The following DAB1 variants were observed in gnomAD, a reference collection of about 807,000 sequenced individuals.
DAB1 encodes DAB adaptor protein 1.
Under a neutral mutation model 64.6 loss-of-function variants are expected in DAB1, and 15 were observed. The ratio of observed to expected loss-of-function variants is 0.23; its 90% CI spans 0.16 to 0.36. The LOEUF (loss-of-function observed/expected upper bound fraction) is 0.36, where lower values mean the gene tolerates loss of function less well. DAB1 is among the 10% of genes least tolerant of loss of function. The pLI is 1.00. For missense variants in DAB1, 596 were observed against 706.7 expected, an observed-to-expected ratio of 0.84 and a Z score of 1.78; for synonymous variants, 235 against 251.9, an observed-to-expected ratio of 0.93 and a Z score of 0.64.
At chr1:58,370,362 T>A (rs956878825) in intron 3 of DAB1, among the ~76,000 whole-genome samples, 6 of 140,328 alleles carry the variant, frequency 4.3e-5, no homozygotes, top group Admixed American at 7.7e-5. Flanking sequence ...GTATGTTACT[T>A]ATGAGTGTGT....
chr1:57,217,847 C>A (rs1557959973), intron 2 of DAB1, among the ~76,000 whole-genome samples: 2 of 152,060 alleles, frequency 1.3e-5, no homozygotes, highest in Non-Finnish European at 1.5e-5. Flanking sequence ...CACCCCACCC[C>A]ACTATCCAGC....
chr1:57,036,252 C>G (rs1647146669), intron 9 of DAB1, among the ~76,000 whole-genome samples: 1 of 152,210 alleles, frequency 6.6e-6, no homozygotes, highest in Non-Finnish European at 1.5e-5. Flanking sequence ...CCCATCCTTA[C>G]TCCTGAACCC....
At chr1:57,514,159 A>G (rs972110916) in intron 7 of DAB1, among the ~76,000 whole-genome samples, 1 of 152,232 alleles carries the variant, frequency 6.6e-6, no homozygotes, top group Non-Finnish European at 1.5e-5. Flanking sequence ...AAGTGCAGAC[A>G]TCTTTTTAAA....
At chr1:57,556,441 T>C (rs956241637) in intron 7 of DAB1, among the ~76,000 whole-genome samples, 34 of 147,894 alleles carry the variant, frequency 2.3e-4, no homozygotes, top group African/African-American at 7.6e-4. Flanking sequence ...CCAACATCTA[T>C]TTTTTTTTTT....
intron 5 of DAB1, among the ~76,000 whole-genome samples, chr1:58,057,617 A>C (rs1302950304): frequency 1.3e-5 from 2 of 152,196 alleles, no homozygotes; most frequent in Non-Finnish European, 2.9e-5. Context: ...CAACTGCTAG[A>C]AGATAGAGAG....
chr1:57,282,824 C>T (rs982878939), intron 2 of DAB1, among the ~76,000 whole-genome samples: 1 of 152,198 alleles, frequency 6.6e-6, no homozygotes, highest in Admixed American at 6.5e-5. Context: ...GCTTACAAAT[C>T]ACAGAGTTCA....
chr1:58,318,172 A>G (rs1340465101), intron 4 of DAB1, among the ~76,000 whole-genome samples: 1 of 152,206 alleles, frequency 6.6e-6, no homozygotes, highest in African/African-American at 2.4e-5. Flanking sequence ...GTTGTGTCCA[A>G]TTAAGCACCT....
chr1:57,528,610 G>C (rs1252348513), intron 7 of DAB1, among the ~76,000 whole-genome samples: 1 of 149,702 alleles, frequency 6.7e-6, no homozygotes, highest in Non-Finnish European at 1.5e-5. Context: ...TAAAAATCCA[G>C]GTAATGGAAA....
chr1:57,435,331 G>A (rs112538036), intron 7 of DAB1, among the ~76,000 whole-genome samples: 20,647 of 152,038 alleles, frequency 0.14, 1,460 homozygotes, highest in Middle Eastern at 0.16. Context: ...TTACAGGCGT[G>A]AGCCACCTTG....
rs61767516 is a variant in DAB1 at position 57,194,739 on chromosome 1, C to G, written c.68-49310G>C. Among the ~76,000 whole-genome samples the G allele has an allele frequency of 8.3e-3, 1,271 of 152,278 alleles. 33 individuals carry two copies. The East Asian group carries it at 0.091, about 11-fold the overall frequency. ...GTGCTAGTGACAGTTGTGTGCCATG[C>G]AGACAACCTGGTTCCATGGGAGGCA... On this transcript the variant is annotated intron_variant, in intron 2 of 14. Coordinates refer to ENST00000371236, the MANE Select transcript of DAB1 (RefSeq NM_001365792.1).
At chr1:58,388,365 T>C (rs927091156) in intron 3 of DAB1, among the ~76,000 whole-genome samples, 6 of 152,156 alleles carry the variant, frequency 3.9e-5, no homozygotes. Flanking sequence ...TAAAAGACTA[T>C]TGAGTGGAGA....
intron 4 of DAB1, among the ~76,000 whole-genome samples, chr1:58,228,239 G>A (rs1217029214): frequency 6.6e-6 from 1 of 152,176 alleles, no homozygotes; most frequent in Non-Finnish European, 1.5e-5. Context: ...ATCCAACAGT[G>A]GCCTTAGATT....
chr1:57,544,617 T>G (rs1644836621), intron 7 of DAB1, among the ~76,000 whole-genome samples: 1 of 152,164 alleles, frequency 6.6e-6, no homozygotes, highest in Non-Finnish European at 1.5e-5. Context: ...GGTTTGGATG[T>G]GTGTTCAACC....
At position 58,172,917 on chromosome 1, in the gene DAB1, T is replaced by C. The variant is rs575992543; in HGVS notation, n.310-22329A>G. On this transcript the variant is annotated intron_variant and non_coding_transcript_variant, in intron 4 of 20. Coordinates refer to the DAB1 transcript ENST00000485760. The stretch of plus-strand genomic sequence containing the variant: ...GCTGCAATATGGAAAGAAAGGGAGT[T>C]CCTAACCTCTGGGGGAACCCCCATT... Among the ~76,000 whole-genome samples the C allele has an allele frequency of 2.6e-5, 4 of 152,336 alleles. No homozygotes were observed. The East Asian group carries it at 7.7e-4, about 29-fold the overall frequency.
intron 5 of DAB1, among the ~76,000 whole-genome samples, chr1:58,054,824 A>G (rs1647945335): frequency 1.3e-5 from 2 of 152,200 alleles, no homozygotes; most frequent in African/African-American, 4.8e-5. Flanking sequence ...TGCTGTTTTA[A>G]AAACGAGGCC....
intron 6 of DAB1, among the ~76,000 whole-genome samples, chr1:57,687,853 G>A (rs1418480570): frequency 2.6e-5 from 4 of 152,042 alleles, no homozygotes; most frequent in Admixed American, 2.0e-4. Flanking sequence ...CTGGGATAAC[G>A]GGCTAGCCAT....
intron 2 of DAB1, among the ~76,000 whole-genome samples, chr1:57,193,264 C>A (rs1664299744): frequency 6.6e-6 from 1 of 152,014 alleles, no homozygotes; most frequent in Non-Finnish European, 1.5e-5. Context: ...CTGCTCTCTG[C>A]CTCTATGAGT....
chr1:58,533,866 C>T (rs1261613609), intron 1 of DAB1: 2 of 770,598 alleles, frequency 2.6e-6, no homozygotes, highest in Non-Finnish European at 4.6e-6. Flanking sequence ...TTTTAAAAAA[C>T]CTGAAAAAAA....
At chr1:57,339,017 CG>C (rs1677330490) in intron 1 of DAB1, among the ~76,000 whole-genome samples, 1 of 152,088 alleles carries the variant, frequency 6.6e-6, no homozygotes, top group African/African-American at 2.4e-5. Flanking sequence ...GAATGAAGAT[CG>C]GATGTGAGAA....
Sources: gnomAD v4.1 joint callset for allele counts (sites outside exome capture counted in the v4.1 genomes callset) on GRCh38, gnomAD v4.1.1 for gene constraint, MANE v1.5 for transcripts, NCBI Gene and HGNC (gene_info 2026-07-23, HGNC 2026-07-21) for gene names.